IKZF3: variants seen among roughly 807,000 people sequenced by gnomAD.
IKZF3 encodes the protein zinc finger protein Aiolos.
A neutral mutation model predicts 49.0 loss-of-function variants in IKZF3; 10 were observed. The ratio of observed to expected loss-of-function variants is 0.20; its 90% CI spans 0.13 to 0.35. The LOEUF is 0.35. IKZF3 is among the 10% of genes least tolerant of loss of function. The probability of loss-of-function intolerance (pLI) is 1.00; values close to 1 mark genes in which losing one functional copy is unlikely to be tolerated. For missense variants in IKZF3, 498 were observed against 664.8 expected, an observed-to-expected ratio of 0.75 and a Z score of 2.76; for synonymous variants, 209 against 228.2, an observed-to-expected ratio of 0.92 and a Z score of 0.76.
In IKZF3 at chr17:39,765,205, A is replaced by C. The variant is rs2060260500; in HGVS notation, c.*585T>G. On this transcript the variant is annotated 3_prime_UTR_variant, in exon 8 of 8. Coordinates refer to ENST00000346872, the MANE Select transcript of IKZF3 (RefSeq NM_012481.5). ...AAGTGCCATCAGATGACATTTTTTA[A>C]AAATGTTGTGATAGGAAATGGATCT... 1.3e-5 allele frequency: 2 copies of C among 152,366 alleles called. No homozygotes were observed. The highest frequency in any genetic ancestry group is 2.4e-5 in the African/African-American group (1 of 41,428). The allele number at this position is 152,366 out of a possible 1,614,324, so 9.4% of individuals were successfully genotyped here.
intron 3 of IKZF3, among the ~76,000 whole-genome samples, chr17:39,804,265 G>A (rs574622375): frequency 1.3e-5 from 2 of 152,162 alleles, no homozygotes; most frequent in South Asian, 4.1e-4. Context: ...TGGCTGACAT[G>A]GTGAATCCCT....
At chr17:39,781,981 G>A (rs1056251692) in intron 6 of IKZF3, among the ~76,000 whole-genome samples, 3 of 152,096 alleles carry the variant, frequency 2.0e-5, no homozygotes, top group African/African-American at 4.8e-5. Flanking sequence ...CCTCTGAAAC[G>A]AATCTAGAGG....
At chr17:39,810,303 T>A (rs2061521117) in intron 3 of IKZF3, among the ~76,000 whole-genome samples, 1 of 152,234 alleles carries the variant, frequency 6.6e-6, no homozygotes, top group African/African-American at 2.4e-5. Flanking sequence ...CATACTAAGT[T>A]GACATCTATA....
intron 3 of IKZF3, among the ~76,000 whole-genome samples, chr17:39,824,899 G>C (rs961891301): frequency 1.3e-5 from 2 of 152,046 alleles, no homozygotes; most frequent in African/African-American, 4.8e-5. Context: ...TTTTCACCAT[G>C]TTAGCCAGGA....
rs202047938 is a variant in IKZF3, at chr17:39,829,441, T to C, written c.109A>G (p.Met37Val). Residue 37 changes from methionine (M) to valine (V), a missense_variant, in exon 3 of 8, where the codon ATG (methionine) becomes GTG (valine). Physicochemically the swap from Met to Val is conservative, Grantham distance 21. Coordinates refer to ENST00000346872, the MANE Select transcript of IKZF3 (RefSeq NM_012481.5). ...NDYSLTKSHEMENVDSGEGPA... is the reference protein window; with the variant it reads ...NDYSLTKSHEVENVDSGEGPA... ...CCTTCTCCACTGTCCACATTTTCCA[T>C]TTCATGAGATTTGGTTAAACTGTAG... 1 of 1,614,142 alleles carries C rather than the reference T, an allele frequency of 6.2e-7. No individual in the cohort carries two copies. The highest frequency in any genetic ancestry group is 8.5e-7 in the Non-Finnish European group (1 of 1,179,972).
intron 1 of IKZF3, among the ~76,000 whole-genome samples, chr17:39,851,350 A>T (rs1416642313): frequency 1.5e-4 from 23 of 151,746 alleles, no homozygotes; most frequent in Admixed American, 1.5e-3. Context: ...TATTCAAGAG[A>T]CATGAATACA....
At chr17:39,861,010 A>G (rs2063201081) in intron 1 of IKZF3, among the ~76,000 whole-genome samples, 1 of 152,204 alleles carries the variant, frequency 6.6e-6, no homozygotes, top group Non-Finnish European at 1.5e-5. Flanking sequence ...ACTAGCCCCA[A>G]TCTCCTACTT....
In IKZF3 at chr17:39,806,581, C is replaced by T. The variant is rs115532098; in HGVS notation, c.164-13648G>A. On this transcript the variant is annotated intron_variant, in intron 3 of 7. Transcript: ENST00000346872. ...TAGAATGGCTACTATAAAAAAGACA[C>T]AATAAAGAGCGCTGGCAAGGATGTG... Among the ~76,000 whole-genome samples, 78 of 152,230 alleles carry T rather than the reference C, an allele frequency of 5.1e-4. 1 individual carries two copies. The highest frequency in any genetic ancestry group is 1.7e-3 in the African/African-American group (72 of 41,546).
chr17:39,810,642 AAT>A (rs1362022335), intron 3 of IKZF3, among the ~76,000 whole-genome samples: 2 of 152,036 alleles, frequency 1.3e-5, no homozygotes, highest in East Asian at 1.9e-4. Flanking sequence ...AACCCAATAA[AAT>A]ATAGTTACTT....
At chr17:39,851,947 T>C (rs2062888704) in intron 1 of IKZF3, among the ~76,000 whole-genome samples, 1 of 152,120 alleles carries the variant, frequency 6.6e-6, no homozygotes, top group African/African-American at 2.4e-5. Context: ...ACAGAATTTT[T>C]ATAAGTTGCA....
At chr17:39,833,005 A>G (rs2062157844) in intron 1 of IKZF3, among the ~76,000 whole-genome samples, 1 of 152,140 alleles carries the variant, frequency 6.6e-6, no homozygotes, top group African/African-American at 2.4e-5. Context: ...GTAAAATATT[A>G]TGTATCAATA....
chr17:39,805,719 C>A (rs1274222618), intron 3 of IKZF3, among the ~76,000 whole-genome samples: 4 of 152,168 alleles, frequency 2.6e-5, no homozygotes, highest in Non-Finnish European at 5.9e-5. Flanking sequence ...ACATGTTCAT[C>A]CCTGGGGATA....
intron 1 of IKZF3, among the ~76,000 whole-genome samples, chr17:39,853,964 T>G (rs940124989): frequency 4.0e-5 from 6 of 151,392 alleles, no homozygotes; most frequent in Admixed American, 4.0e-4. Context: ...CTGTCTCTAC[T>G]AAAAATACAA....
chr17:39,830,733 T>C (rs2062086253), intron 2 of IKZF3, among the ~76,000 whole-genome samples: 1 of 152,190 alleles, frequency 6.6e-6, no homozygotes, highest in Non-Finnish European at 1.5e-5. Context: ...TTCCCATTAA[T>C]ATAAAAAATA....
chr17:39,771,272 AG>A (rs2060434613), intron 7 of IKZF3, among the ~76,000 whole-genome samples: 1 of 152,222 alleles, frequency 6.6e-6, no homozygotes, highest in Admixed American at 6.5e-5. Flanking sequence ...CACATGGACC[AG>A]CACATGCACT....
At chr17:39,851,019 C>T (rs1038623213) in intron 1 of IKZF3, among the ~76,000 whole-genome samples, 8 of 141,532 alleles carry the variant, frequency 5.7e-5, no homozygotes, top group South Asian at 4.4e-4. Context: ...ATTATATACA[C>T]GTATGTTATA....
chr17:39,765,945 C>A lies in IKZF3; in HGVS notation c.1375G>T (p.Val459Phe). The change falls in exon 8 of 8, where the codon GTC (valine) becomes TTC (phenylalanine). Residue 459 changes from valine (V) to phenylalanine (F), a missense_variant. Val to Phe is a conservative substitution (Grantham distance 50). Around this residue, in one of 3 missense-constraint regions of IKZF3, gnomAD observed 317 missense variants for 397.3 expected, o/e 0.80. Coordinates refer to ENST00000346872, the MANE Select transcript of IKZF3 (RefSeq NM_012481.5). ...AACATCACATAGTCCAGGAAGAGGACGCGGCAGTGGTCACACCGATACACA... is the reference window on the plus strand; with the variant it reads ...AACATCACATAGTCCAGGAAGAGGAAGCGGCAGTGGTCACACCGATACACA... ...MDVYRCDHCRVLFLDYVMFTI... is the reference protein window; with the variant it reads ...MDVYRCDHCRFLFLDYVMFTI... 6.2e-7 allele frequency: 1 copy of A among 1,614,186 alleles called. No individual in the cohort carries two copies.
chr17:39,836,452 CAG>C (rs772224461), intron 1 of IKZF3, among the ~76,000 whole-genome samples: 20 of 152,146 alleles, frequency 1.3e-4, no homozygotes, highest in Non-Finnish European at 2.6e-4. Flanking sequence ...TGGGCAGAAA[CAG>C]GGGGAGATTC....
chr17:39,777,805 C>T (rs373631497), intron 6 of IKZF3, 38 bp from the exon 7 acceptor site: 158 of 1,597,008 alleles, frequency 9.9e-5, no homozygotes, highest in Middle Eastern at 5.0e-4. Flanking sequence ...GAGAAAAGAA[C>T]ACATTGGTAC....
Sources: gnomAD v4.1 joint callset for allele counts (sites outside exome capture counted in the v4.1 genomes callset) on GRCh38, gnomAD v4.1.1 for gene constraint, gnomAD v4.1.1 regional missense constraint, MANE v1.5 for transcripts, NCBI Gene and HGNC (gene_info 2026-07-23, HGNC 2026-07-21) for gene names.